Variants in CNTNAP5 observed in about 807,000 individuals in gnomAD.
CNTNAP5 encodes contactin-associated protein-like 5.
CNTNAP5 carries 72 observed loss-of-function variants against 150.2 expected under a neutral mutation model. That is an observed-to-expected ratio of 0.48 (90% CI 0.40 to 0.58). The LOEUF (loss-of-function observed/expected upper bound fraction) is 0.58. Among genes scored for constraint, CNTNAP5 ranks in the 20% least tolerant of loss-of-function variants. CNTNAP5 has a pLI of 0.00. For synonymous variants in CNTNAP5, 672 were observed against 619.8 expected, an observed-to-expected ratio of 1.08 and a Z score of -1.25; for missense variants, 1,636 against 1,626.2, an observed-to-expected ratio of 1.01 and a Z score of -0.10.
chr2:124,148,734 T>A (rs1042818290), intron 1 of CNTNAP5, among the ~76,000 whole-genome samples: 6 of 150,936 alleles, frequency 4.0e-5, no homozygotes, highest in Non-Finnish European at 7.4e-5. Flanking sequence ...CTCTTTTATC[T>A]CATATATATG....
intron 19 of CNTNAP5, among the ~76,000 whole-genome samples, chr2:124,799,817 CCTT>C: frequency 6.6e-6 from 1 of 152,084 alleles, no homozygotes; most frequent in Non-Finnish European, 1.5e-5. Flanking sequence ...TAACAGGTGT[CCTT>C]CTTTCTAAGA....
intron 6 of CNTNAP5, among the ~76,000 whole-genome samples, chr2:124,460,490 T>C (rs1268946742): frequency 6.6e-6 from 1 of 152,192 alleles, no homozygotes; most frequent in Admixed American, 6.5e-5. Flanking sequence ...ATTTTTTAAA[T>C]TGTCTATCTC....
intron 8 of CNTNAP5, among the ~76,000 whole-genome samples, chr2:124,512,083 G>A (rs1197728436): frequency 6.6e-6 from 1 of 151,964 alleles, no homozygotes; most frequent in African/African-American, 2.4e-5. Flanking sequence ...TTCCTGCAGA[G>A]AGAAATCCAG....
chr2:124,690,133 G>A (rs1679271972), intron 13 of CNTNAP5, among the ~76,000 whole-genome samples: 1 of 151,698 alleles, frequency 6.6e-6, no homozygotes, highest in African/African-American at 2.4e-5. Flanking sequence ...GGAGTGAAAA[G>A]TAAAAAAAAT....
At chr2:124,838,069 A>G (rs1052909106) in intron 19 of CNTNAP5, among the ~76,000 whole-genome samples, 3 of 152,148 alleles carry the variant, frequency 2.0e-5, no homozygotes, top group Non-Finnish European at 4.4e-5. Flanking sequence ...ATGATGATTC[A>G]TTACCTTGAT....
At chr2:124,321,307 G>C (rs1381896516) in intron 3 of CNTNAP5, among the ~76,000 whole-genome samples, 1 of 151,996 alleles carries the variant, frequency 6.6e-6, no homozygotes, top group Non-Finnish European at 1.5e-5. Flanking sequence ...GTCGGGTGTG[G>C]TGGCACATAT....
intron 10 of CNTNAP5, among the ~76,000 whole-genome samples, chr2:124,545,227 A>G (rs572528027): frequency 6.6e-6 from 1 of 152,292 alleles, no homozygotes; most frequent in East Asian, 1.9e-4. Flanking sequence ...CTCCAATAGC[A>G]TACTATATGT....
intron 11 of CNTNAP5, among the ~76,000 whole-genome samples, chr2:124,598,857 T>C (rs1247925007): frequency 6.6e-6 from 1 of 152,060 alleles, no homozygotes; most frequent in African/African-American, 2.4e-5. Flanking sequence ...TGCGCCGTTT[T>C]TTAAGCCGGT....
At chr2:124,303,054 C>A (rs1688603413) in intron 3 of CNTNAP5, among the ~76,000 whole-genome samples, 1 of 152,136 alleles carries the variant, frequency 6.6e-6, no homozygotes, top group South Asian at 2.1e-4. Flanking sequence ...CTTAGCTGAT[C>A]TAGCTTTTTG....
chr2:124,525,983 C>T (rs1442173551), intron 9 of CNTNAP5, among the ~76,000 whole-genome samples: 2 of 152,158 alleles, frequency 1.3e-5, no homozygotes, highest in East Asian at 1.9e-4. Context: ...TGTTGGGGTC[C>T]GAAAAGATAA....
intron 17 of CNTNAP5, among the ~76,000 whole-genome samples, chr2:124,776,568 T>C (rs1681329089): frequency 6.6e-6 from 1 of 152,204 alleles, no homozygotes; most frequent in Non-Finnish European, 1.5e-5. Context: ...ATTTGTGGCA[T>C]AATGCAACAC....
intron 3 of CNTNAP5, among the ~76,000 whole-genome samples, chr2:124,403,929 G>C (rs529894957): frequency 1.6e-4 from 24 of 152,146 alleles, no homozygotes; most frequent in African/African-American, 5.8e-4. Context: ...ATCAGGTCTC[G>C]TGAGACTTAT....
intron 2 of CNTNAP5, among the ~76,000 whole-genome samples, chr2:124,226,723 T>C (rs1357917741): frequency 6.6e-6 from 1 of 152,200 alleles, no homozygotes; most frequent in South Asian, 2.1e-4. Context: ...AAAAGAAATT[T>C]ATTTCTTACA....
chr2:124,710,709 C>T (rs1435490037), intron 13 of CNTNAP5, among the ~76,000 whole-genome samples: 1 of 152,158 alleles, frequency 6.6e-6, no homozygotes, highest in Non-Finnish European at 1.5e-5. Flanking sequence ...AGACTGACTC[C>T]TCCCTTCAAA....
At chr2:124,355,599 G>A (rs1689978339) in intron 3 of CNTNAP5, among the ~76,000 whole-genome samples, 1 of 152,098 alleles carries the variant, frequency 6.6e-6, no homozygotes, top group South Asian at 2.1e-4. Flanking sequence ...CATTTTGCAG[G>A]TGAGCCCAGA....
intron 13 of CNTNAP5, among the ~76,000 whole-genome samples, chr2:124,670,133 T>TTTCCTTCCTACC (rs1678783268): frequency 8.9e-6 from 1 of 112,510 alleles, no homozygotes; most frequent in Non-Finnish European, 1.9e-5. Context: ...TCCTTCCTTC[T>TTTCCTTCCTACC]TTCCTTCCTT....
At chr2:124,054,613 G>A (rs141185659) in intron 1 of CNTNAP5, among the ~76,000 whole-genome samples, 2 of 152,302 alleles carry the variant, frequency 1.3e-5, no homozygotes, top group African/African-American at 4.8e-5. Context: ...ATTAAGTTCT[G>A]TGGGATGTTA....
intron 3 of CNTNAP5, among the ~76,000 whole-genome samples, chr2:124,359,278 G>T (rs1690126645): frequency 6.6e-6 from 1 of 150,650 alleles, no homozygotes; most frequent in African/African-American, 2.4e-5. Flanking sequence ...TTGATTTTTT[G>T]AAGGGTTTTT....
intron 1 of CNTNAP5, among the ~76,000 whole-genome samples, chr2:124,050,326 T>C (rs1015137448): frequency 4.6e-5 from 7 of 151,938 alleles, no homozygotes; most frequent in African/African-American, 1.5e-4. Context: ...TAGCTGGGTG[T>C]GGTGGTACGT....
Sources: allele counts gnomAD v4.1 joint callset (sites outside exome capture counted in the v4.1 genomes callset), GRCh38; gene constraint gnomAD v4.1.1; transcripts MANE v1.5; gene names NCBI Gene and HGNC (gene_info 2026-07-23, HGNC 2026-07-21).